GABRB3: variants seen among roughly 807,000 people sequenced by gnomAD.
The protein encoded by GABRB3 is gamma-aminobutyric acid receptor subunit beta-3.
A neutral mutation model predicts 52.1 loss-of-function variants in GABRB3; 14 were observed. That is an observed-to-expected ratio of 0.27 (90% CI 0.18 to 0.42). GABRB3 has a LOEUF of 0.42. Ranked by LOEUF, GABRB3 falls within the 10% of genes least tolerant of loss-of-function variation. The pLI is 1.00. For synonymous variants in GABRB3, 260 were observed against 232.3 expected (o/e 1.12, Z -1.08); for missense variants, 307 against 609.1 (o/e 0.50, Z 5.22).
chr15:26,586,267 G>C (rs1027653977), intron 4 of GABRB3, among the ~76,000 whole-genome samples: 5 of 152,014 alleles, frequency 3.3e-5, no homozygotes, highest in African/African-American at 1.2e-4. Context: ...AAAGTGCTGG[G>C]ATTACAGGCG....
intron 3 of GABRB3, chr15:26,625,609 C>T (rs1892660172): frequency 4.6e-6 from 1 of 215,956 alleles, no homozygotes. Context: ...ACACTGGATT[C>T]CTCACAGAAC....
At chr15:26,615,282 A>G (rs1398992564) in intron 4 of GABRB3, 10 of 985,248 alleles carry the variant, frequency 1.0e-5, no homozygotes, top group Non-Finnish European at 1.2e-5. Flanking sequence ...AAATGGTTTG[A>G]CTGTCCAAAG....
chr15:26,670,795 CTCTT>C (rs964830561), intron 3 of GABRB3, among the ~76,000 whole-genome samples: 50 of 152,302 alleles, frequency 3.3e-4, no homozygotes, highest in Admixed American at 4.6e-4. Context: ...TTTCCTATGC[CTCTT>C]TCTTTCTTTT....
At chr15:26,739,345 G>C (rs1265480964) in intron 3 of GABRB3, among the ~76,000 whole-genome samples, 1 of 151,932 alleles carries the variant, frequency 6.6e-6, no homozygotes, top group Non-Finnish European at 1.5e-5. Context: ...CAGAAGTGCC[G>C]AGTAGAAGGA....
intron 3 of GABRB3, among the ~76,000 whole-genome samples, chr15:26,661,375 A>G (rs952771353): frequency 6.6e-6 from 1 of 152,124 alleles, no homozygotes; most frequent in Non-Finnish European, 1.5e-5. Flanking sequence ...CCCCTTAATT[A>G]TTTGCAAACT....
intron 3 of GABRB3, among the ~76,000 whole-genome samples, chr15:26,706,296 T>C (rs1313927134): frequency 6.6e-6 from 1 of 152,178 alleles, no homozygotes; most frequent in African/African-American, 2.4e-5. Context: ...TGACACATAC[T>C]TATCCATAAA....
intron 3 of GABRB3, among the ~76,000 whole-genome samples, chr15:26,635,604 C>A (rs1160860452): frequency 6.6e-6 from 1 of 152,108 alleles, no homozygotes; most frequent in Admixed American, 6.5e-5. Flanking sequence ...AATGCCAGAA[C>A]CGTACCAGTC....
rs147163962 is a variant in GABRB3, at chr15:26,687,685, G to A, written c.241-66151C>T. ...TTTTTCACTTAATTGAGAAAAGTTTGACTGACAAGAGCAAAATGGGGCAGG... is the reference window on the plus strand; with the variant it reads ...TTTTTCACTTAATTGAGAAAAGTTTAACTGACAAGAGCAAAATGGGGCAGG... On this transcript the variant is annotated intron_variant, in intron 3 of 8. Transcript: ENST00000311550. 1.6e-3 allele frequency among the ~76,000 whole-genome samples: 236 copies of A among 152,254 alleles called. 1 individual carries two copies. Among genetic ancestry groups the A allele is most frequent in the African/African-American group, 5.3e-3 (222 of 41,538 alleles).
chr15:26,765,194 T>C (rs1049316571), intron 3 of GABRB3, among the ~76,000 whole-genome samples: 6 of 151,768 alleles, frequency 4.0e-5, no homozygotes, highest in Admixed American at 6.6e-5. Context: ...ATATACTTTC[T>C]AAGGAGACAC....
chr15:26,664,704 G>GTTTTTTTTTTTTTTTTTTTTTTTTGT (rs1162139952), intron 3 of GABRB3, among the ~76,000 whole-genome samples: 1 of 95,224 alleles, frequency 1.1e-5, no homozygotes, highest in Non-Finnish European at 1.9e-5. Context: ...TCTTTTCTTT[G>GTTTTTTTTTTTTTTTTTTTTTTTTGT]TTTTTTTTTT....
chr15:26,577,764 C>T (rs550574632), intron 6 of GABRB3, among the ~76,000 whole-genome samples: 97 of 152,224 alleles, frequency 6.4e-4, no homozygotes, highest in African/African-American at 2.3e-3. Flanking sequence ...TCCTAATAAA[C>T]TTCCAGAGTG....
At chr15:26,577,675 C>CTG (rs1220568435) in intron 6 of GABRB3, among the ~76,000 whole-genome samples, 4 of 152,226 alleles carry the variant, frequency 2.6e-5, no homozygotes, top group African/African-American at 4.8e-5. Context: ...TCGTAACGAC[C>CTG]TGTAGGTCAA....
intron 3 of GABRB3, among the ~76,000 whole-genome samples, chr15:26,643,928 G>A (rs1244974465): frequency 6.6e-6 from 1 of 152,170 alleles, no homozygotes; most frequent in Non-Finnish European, 1.5e-5. Context: ...CTGCCTTAGT[G>A]GGGCTTCGTG....
At chr15:26,733,487 T>C (rs1889987173) in intron 3 of GABRB3, among the ~76,000 whole-genome samples, 1 of 152,180 alleles carries the variant, frequency 6.6e-6, no homozygotes, top group Non-Finnish European at 1.5e-5. Context: ...TATGAAATAC[T>C]GCTAAAAGAC....
At chr15:26,633,658 C>T (rs1015303978) in intron 3 of GABRB3, among the ~76,000 whole-genome samples, 3 of 152,152 alleles carry the variant, frequency 2.0e-5, no homozygotes, top group African/African-American at 4.8e-5. Context: ...GAGCAATATC[C>T]GCAGTTCCCA....
At chr15:26,750,848 A>AT (rs1391989618) in intron 3 of GABRB3, among the ~76,000 whole-genome samples, 1 of 152,152 alleles carries the variant, frequency 6.6e-6, no homozygotes, top group Non-Finnish European at 1.5e-5. Context: ...GAAAAAGTAC[A>AT]TTTTTTTGCT....
Position 26,584,011 on chromosome 15 carries a change from C to T in GABRB3, c.462-597G>A, listed in dbSNP as rs1453180334. On this transcript the variant is annotated intron_variant, in intron 4 of 8. Coordinates refer to ENST00000311550, the MANE Select transcript of GABRB3 (RefSeq NM_000814.6). ...CAGGATGGTCTCGACCTCTTGACCT[C>T]GTGATCCGCCTGCCTCGGCCTCCCA... Among the ~76,000 whole-genome samples, 5 of 152,206 alleles carry T rather than the reference C, an allele frequency of 3.3e-5. No homozygotes were observed. The East Asian group carries it at 7.7e-4, about 24-fold the overall frequency.
At chr15:26,625,884 G>A (rs1892672033) in intron 3 of GABRB3, among the ~76,000 whole-genome samples, 1 of 152,110 alleles carries the variant, frequency 6.6e-6, no homozygotes, top group African/African-American at 2.4e-5. Context: ...CAATTGAGTT[G>A]CTAACGTTCC....
At chr15:26,554,101 T>TATGTGTATAAA (rs56830417) in intron 8 of GABRB3, among the ~76,000 whole-genome samples, 3 of 70,034 alleles carry the variant, frequency 4.3e-5, no homozygotes, top group African/African-American at 7.2e-5. Flanking sequence ...ATGTATAAAG[T>TATGTGTATAAA]GTGTGTATAT....
Sources: gnomAD v4.1 joint callset for allele counts (sites outside exome capture counted in the v4.1 genomes callset) on GRCh38, gnomAD v4.1.1 for gene constraint, MANE v1.5 for transcripts, NCBI Gene and HGNC (gene_info 2026-07-23, HGNC 2026-07-21) for gene names.